KIAA1217: variants seen among roughly 807,000 people sequenced by gnomAD.
The protein encoded by KIAA1217 is sickle tail protein homolog.
In KIAA1217, 88 loss-of-function variants were observed where a neutral mutation model predicts 163.9. The observed-to-expected ratio is 0.54, with a 90% CI of 0.45 to 0.64. KIAA1217 has a LOEUF of 0.64. Ranked by LOEUF, KIAA1217 falls within the 30% of genes least tolerant of loss-of-function variation. The pLI, the probability that KIAA1217 is intolerant of heterozygous loss-of-function variation, is 0.00. For missense variants in KIAA1217, 2,372 were observed against 2,475.0 expected, an observed-to-expected ratio of 0.96 and a Z score of 0.88; for synonymous variants, 903 against 923.1, an observed-to-expected ratio of 0.98 and a Z score of 0.39.
intron 1 of KIAA1217, among the ~76,000 whole-genome samples, chr10:23,708,204 A>G (rs2130727241): frequency 6.6e-6 from 1 of 152,300 alleles, no homozygotes; most frequent in East Asian, 1.9e-4. Flanking sequence ...CACTACCACG[A>G]GAACAGTATG....
chr10:24,278,118 C>T (rs1454771709), intron 2 of KIAA1217, among the ~76,000 whole-genome samples: 1 of 152,188 alleles, frequency 6.6e-6, no homozygotes, highest in Non-Finnish European at 1.5e-5. Flanking sequence ...CGAGGAGAGG[C>T]AGGGTCTGCA....
rs867695475 is a variant in KIAA1217 at position 23,893,839 on chromosome 10, G to A, written c.-320-113386G>A. Reference sequence around the variant, plus strand: ...GGGATGCAAGGCTGGTTCAATATACGCAAATCAATAAATGTAATCCAGCAT... The same window carrying A: ...GGGATGCAAGGCTGGTTCAATATACACAAATCAATAAATGTAATCCAGCAT... On this transcript the variant is annotated intron_variant, in intron 1 of 18. Coordinates refer to the KIAA1217 transcript ENST00000376462. 4.2e-3 allele frequency among the ~76,000 whole-genome samples: 636 copies of A among 151,896 alleles called. 4 individuals carry two copies. Among genetic ancestry groups the A allele is most frequent in the African/African-American group, 0.015 (618 of 41,408 alleles).
Position 24,313,991 on chromosome 10 carries a change from C to A in KIAA1217, c.355-66878C>A, listed in dbSNP as rs185293589. Among the ~76,000 whole-genome samples, 497 of 152,076 alleles carry A rather than the reference C, an allele frequency of 3.3e-3. 1 individual carries two copies. Among genetic ancestry groups the A allele is most frequent in the African/African-American group, 0.012 (480 of 41,482 alleles). On this transcript the variant is annotated intron_variant, in intron 2 of 20. Transcript: ENST00000376454. ...AGTAGCTGGGATTACCAGTGCCCAC[C>A]ACCGCGCCCAGCTAATTTTTGTATT...
intron 2 of KIAA1217, among the ~76,000 whole-genome samples, chr10:24,374,793 G>A (rs10828643): frequency 0.17 from 26,178 of 152,042 alleles, 2,710 homozygotes; most frequent in East Asian, 0.37. Flanking sequence ...GTATTCTTCT[G>A]TTATTTTTTA....
chr10:23,832,875 A>G (rs1484206923), intron 1 of KIAA1217, among the ~76,000 whole-genome samples: 2 of 152,080 alleles, frequency 1.3e-5, no homozygotes, highest in East Asian at 3.9e-4. Context: ...AGAAGGCGAA[A>G]GGAAGATAAA....
chr10:23,818,123 A>G (rs1837431905), intron 1 of KIAA1217, among the ~76,000 whole-genome samples: 2 of 142,394 alleles, frequency 1.4e-5, no homozygotes, highest in Non-Finnish European at 3.0e-5. Context: ...ATATATATAT[A>G]CTCACACACA....
At chr10:23,871,661 A>G (rs958248488) in intron 1 of KIAA1217, among the ~76,000 whole-genome samples, 2 of 152,016 alleles carry the variant, frequency 1.3e-5, no homozygotes, top group Non-Finnish European at 2.9e-5. Flanking sequence ...AAATTGATCA[A>G]TTACAATCCA....
intron 2 of KIAA1217, among the ~76,000 whole-genome samples, chr10:24,026,327 G>A (rs1438680123): frequency 6.6e-6 from 1 of 151,808 alleles, no homozygotes; most frequent in African/African-American, 2.4e-5. Context: ...TTCTGAGAGA[G>A]TATAAATAAA....
intron 1 of KIAA1217, among the ~76,000 whole-genome samples, chr10:23,769,626 G>A (rs1198542197): frequency 6.6e-6 from 1 of 152,200 alleles, no homozygotes; most frequent in African/African-American, 2.4e-5. Context: ...AACAAAGACA[G>A]CTTAAAGATG....
intron 1 of KIAA1217, among the ~76,000 whole-genome samples, chr10:23,713,015 AGAGGGT>A (rs997314649): frequency 7.8e-4 from 119 of 152,210 alleles, no homozygotes; most frequent in African/African-American, 2.8e-3. Flanking sequence ...GTGGAGTCTC[AGAGGGT>A]GAAAGTGTAG....
chr10:23,806,857 G>A (rs922876309), intron 1 of KIAA1217, among the ~76,000 whole-genome samples: 1 of 152,154 alleles, frequency 6.6e-6, no homozygotes, highest in Non-Finnish European at 1.5e-5. Context: ...AGTTTCTTTG[G>A]TTCCTAAGGT....
At chr10:23,861,667 G>A in intron 1 of KIAA1217, among the ~76,000 whole-genome samples, 1 of 152,174 alleles carries the variant, frequency 6.6e-6, no homozygotes, top group East Asian at 1.9e-4. Flanking sequence ...CTCCATGATG[G>A]AGAGGCCAAT....
intron 6 of KIAA1217, among the ~76,000 whole-genome samples, chr10:24,474,452 T>C (rs571326180): frequency 3.3e-5 from 5 of 152,076 alleles, no homozygotes; most frequent in African/African-American, 1.2e-4. Context: ...AAATAAGGAG[T>C]GAGTGTTTTC....
Position 24,524,662 on chromosome 10 carries a change from T to C in KIAA1217, c.2796T>C (p.Ala932=). 4 of 1,614,168 alleles carry C rather than the reference T, an allele frequency of 2.5e-6. No homozygotes were observed. Among genetic ancestry groups the C allele is most frequent in the South Asian group, 1.1e-5 (1 of 91,078 alleles). Residue 932 remains alanine, a synonymous_variant, in exon 13 of 21, where the codon GCT becomes GCC. Transcript: ENST00000376454. ...CCTCCACTCTGCAGATGTCGCAGGC[T>C]CCGCAGTCCCCACAGATACCCATGA... ...EATSTLQMSQ[A]PQSPQIPMNG... is the part of the protein sequence containing the mutation.
chr10:24,287,863 T>C (rs937375080), intron 2 of KIAA1217, among the ~76,000 whole-genome samples: 9 of 152,216 alleles, frequency 5.9e-5, no homozygotes, highest in Admixed American at 1.3e-4. Context: ...TGTTTAGAAT[T>C]CAAATGTTGA....
At chr10:24,407,348 T>C (rs7915144) in intron 3 of KIAA1217, among the ~76,000 whole-genome samples, 123,335 of 152,034 alleles carry the variant, frequency 0.81, 50,539 homozygotes, top group African/African-American at 0.94. Flanking sequence ...GGCTGGAGTA[T>C]AATAGTACCA....
chr10:23,871,445 C>A (rs1269105463), intron 1 of KIAA1217, among the ~76,000 whole-genome samples: 1 of 151,984 alleles, frequency 6.6e-6, no homozygotes, highest in Non-Finnish European at 1.5e-5. Context: ...CCACTATGAC[C>A]CACCACAAGA....
intron 1 of KIAA1217, among the ~76,000 whole-genome samples, chr10:23,776,752 C>T (rs1041028449): frequency 1.4e-5 from 2 of 141,064 alleles, no homozygotes; most frequent in Admixed American, 1.5e-4. Context: ...GTGATCTCGG[C>T]TCACTGCAAC....
chr10:23,840,457 TTA>T (rs1838717072), intron 1 of KIAA1217, among the ~76,000 whole-genome samples: 1 of 152,100 alleles, frequency 6.6e-6, no homozygotes, highest in African/African-American at 2.4e-5. Flanking sequence ...GCCTGGCCGA[TTA>T]TATCTTTCTT....
Sources: gnomAD v4.1 joint callset for allele counts (sites outside exome capture counted in the v4.1 genomes callset) on GRCh38, gnomAD v4.1.1 for gene constraint, MANE v1.5 for transcripts, NCBI Gene and HGNC (gene_info 2026-07-23, HGNC 2026-07-21) for gene names.